The following NTM variants were observed in gnomAD, a reference collection of about 807,000 sequenced individuals.
NTM encodes IgLON family member 2.
In NTM, 13 loss-of-function variants were observed where a neutral mutation model predicts 42.1. The ratio of observed to expected loss-of-function variants is 0.31; its 90% confidence interval spans 0.20 to 0.49. The LOEUF (loss-of-function observed/expected upper bound fraction) is 0.49. NTM is among the 20% of genes least tolerant of loss of function. The pLI is 0.99. For synonymous variants in NTM, 187 were observed against 179.2 expected (o/e 1.04, Z -0.35); for missense variants, 373 against 452.8 (o/e 0.82, Z 1.60).
intron 3 of NTM, among the ~76,000 whole-genome samples, chr11:132,203,368 GA>G (rs1253217464): frequency 6.6e-6 from 1 of 152,136 alleles, no homozygotes; most frequent in Non-Finnish European, 1.5e-5. Context: ...CTGATCCACA[GA>G]ACATCTATTT....
In NTM at chr11:131,814,253, G is replaced by A. The variant is rs147160982; in HGVS notation, c.83-97311G>A. ...CTCCAATTATTGTGCTATGTTCCCT[G>A]GTGTTTCCCTTTCTGGCTACTCAGC... On this transcript the variant is annotated intron_variant, in intron 1 of 8. Transcript: ENST00000683400. Among the ~76,000 whole-genome samples the A allele has an allele frequency of 4.7e-3, 716 of 152,198 alleles. 2 individuals are homozygous for A. Among genetic ancestry groups the A allele is most frequent in the Middle Eastern group, 0.014 (4 of 294 alleles).
At chr11:131,586,590 T>C (rs4937638) in intron 1 of NTM, among the ~76,000 whole-genome samples, 2 of 151,930 alleles carry the variant, frequency 1.3e-5, no homozygotes, top group Non-Finnish European at 2.9e-5. Flanking sequence ...AGACTGACTG[T>C]AACCTTAGGA....
intron 1 of NTM, among the ~76,000 whole-genome samples, chr11:131,503,902 G>A (rs2047154109): frequency 6.6e-6 from 1 of 152,162 alleles, no homozygotes; most frequent in Admixed American, 6.5e-5. Context: ...GTTAACTGGG[G>A]TAGGAATTAA....
intron 2 of NTM, among the ~76,000 whole-genome samples, chr11:132,144,985 G>T (rs2070059000): frequency 6.6e-6 from 1 of 152,180 alleles, no homozygotes; most frequent in African/African-American, 2.4e-5. Flanking sequence ...TGGGGACAGG[G>T]GGTCTCCTGA....
chr11:131,730,513 G>A (rs745419683), intron 1 of NTM, among the ~76,000 whole-genome samples: 3 of 152,016 alleles, frequency 2.0e-5, no homozygotes, highest in Non-Finnish European at 2.9e-5. Flanking sequence ...CCGGGAGTTT[G>A]GGACCAGCCT....
intron 1 of NTM, among the ~76,000 whole-genome samples, chr11:131,557,213 G>C (rs1198196556): frequency 1.3e-5 from 2 of 152,158 alleles, no homozygotes; most frequent in Non-Finnish European, 2.9e-5. Flanking sequence ...AGGTTGCTAT[G>C]TATGTCTCAG....
chr11:132,143,921 C>T (rs2069733417), intron 2 of NTM, among the ~76,000 whole-genome samples: 1 of 152,290 alleles, frequency 6.6e-6, no homozygotes, highest in East Asian at 1.9e-4. Flanking sequence ...TAGTTTTCTC[C>T]TTCTTGCTCA....
At chr11:132,082,507 T>C (rs2059210825) in intron 2 of NTM, among the ~76,000 whole-genome samples, 1 of 152,172 alleles carries the variant, frequency 6.6e-6, no homozygotes. Context: ...TTACTGGGCA[T>C]GTGTTAAGGG....
intron 1 of NTM, among the ~76,000 whole-genome samples, chr11:131,410,517 CAAAAAAAAAAAAAAAAA>C: frequency 3.1e-5 from 1 of 32,768 alleles, no homozygotes; most frequent in South Asian, 2.2e-3. Context: ...AAACAATAAC[CAAAAAAAAAAAAAAAAA>C]AAAAAAAAAC....
At chr11:131,510,600 C>T (rs1269852075) in intron 1 of NTM, among the ~76,000 whole-genome samples, 2 of 152,122 alleles carry the variant, frequency 1.3e-5, no homozygotes, top group African/African-American at 4.8e-5. Context: ...TTCTAAAAAC[C>T]AATTTCTATC....
chr11:131,580,377 G>C (rs1272005995), intron 1 of NTM, among the ~76,000 whole-genome samples: 1 of 152,112 alleles, frequency 6.6e-6, no homozygotes. Context: ...CATCAGTACT[G>C]TGAGGCCACT....
At chr11:131,471,765 G>C (rs1009149217) in intron 1 of NTM, among the ~76,000 whole-genome samples, 9 of 152,210 alleles carry the variant, frequency 5.9e-5, no homozygotes, top group African/African-American at 1.9e-4. Context: ...TCATGAATGA[G>C]AGGGTGGAAG....
rs188393016 is a variant in NTM, at chr11:131,733,295, C to T, written c.83-178269C>T. ...CTAAATCCAGGGCCCATTAACATGG[C>T]GTCCAAGGTGTGTTATGATGGATAG... On this transcript the variant is annotated intron_variant, in intron 1 of 8. Coordinates refer to ENST00000683400, the MANE Select transcript of NTM (RefSeq NM_001352005.2). Among the ~76,000 whole-genome samples, 67 of 152,234 alleles carry T rather than the reference C, an allele frequency of 4.4e-4. No individual in the cohort carries two copies. In the East Asian group the frequency reaches 0.012, roughly 27 times the overall value.
intron 8 of NTM, among the ~76,000 whole-genome samples, chr11:132,334,491 C>T (rs1052597880): frequency 3.9e-5 from 6 of 152,344 alleles, no homozygotes; most frequent in African/African-American, 1.2e-4. Flanking sequence ...CCAGGTGGAA[C>T]CCAGGTGCCC....
chr11:131,925,450 T>G (rs1027139086), intron 2 of NTM, among the ~76,000 whole-genome samples: 5 of 148,082 alleles, frequency 3.4e-5, no homozygotes, highest in African/African-American at 7.6e-5. Context: ...AGAGATGCAG[T>G]CTCAGCTCAC....
rs552575370 is a variant in NTM, at chr11:132,002,640, C to T, written c.167+90992C>T. On this transcript the variant is annotated intron_variant, in intron 2 of 8. Transcript: ENST00000683400. The surrounding 1 kb of genome is among the most constrained non-coding windows in gnomAD (Gnocchi z 4.5). ...AACTTATGTTTTGTTTTTTCTTTTTCTCTTAGTATCCATGCTTCTCCTGAA... is the reference window on the plus strand; with the variant it reads ...AACTTATGTTTTGTTTTTTCTTTTTTTCTTAGTATCCATGCTTCTCCTGAA... 6.6e-6 allele frequency among the ~76,000 whole-genome samples: 1 copy of T among 152,176 alleles called. No individual in the cohort carries two copies. The highest frequency in any genetic ancestry group is 2.4e-5 in the African/African-American group (1 of 41,540).
chr11:131,949,507 A>G (rs1426960358), intron 2 of NTM, among the ~76,000 whole-genome samples: 1 of 152,182 alleles, frequency 6.6e-6, no homozygotes, highest in African/African-American at 2.4e-5. Context: ...ATAAAAAGCA[A>G]TCTCAGTTGA....
At chr11:132,269,634 T>C (rs997375281) in intron 4 of NTM, among the ~76,000 whole-genome samples, 2 of 152,240 alleles carry the variant, frequency 1.3e-5, no homozygotes, top group African/African-American at 4.8e-5. Flanking sequence ...AGGATTGGAA[T>C]CAAGGTTTCT....
chr11:132,223,371 C>G (rs561102786), intron 4 of NTM, among the ~76,000 whole-genome samples: 62 of 152,180 alleles, frequency 4.1e-4, no homozygotes, highest in African/African-American at 1.4e-3. Flanking sequence ...GGATTGTAGA[C>G]TTAAATAGAG....
Sources: allele counts gnomAD v4.1 joint callset (sites outside exome capture counted in the v4.1 genomes callset), GRCh38; gene constraint gnomAD v4.1.1; non-coding constraint Gnocchi (gnomAD v3.1); transcripts MANE v1.5; gene names NCBI Gene and HGNC (gene_info 2026-07-23, HGNC 2026-07-21).